ASAP3: variants seen among roughly 807,000 people sequenced by gnomAD.
The protein encoded by ASAP3 is arf-GAP with SH3 domain, ANK repeat and PH domain-containing protein 3.
A neutral mutation model predicts 118.2 loss-of-function variants in ASAP3; 85 were observed. The observed-to-expected ratio is 0.72, with a 90% CI of 0.60 to 0.86. The LOEUF (loss-of-function observed/expected upper bound fraction) is 0.86, where lower values mean the gene tolerates loss of function less well. Among genes scored for constraint, ASAP3 ranks in the 40% least tolerant of loss-of-function variants. ASAP3 has a pLI of 0.00. For missense variants in ASAP3, 1,026 were observed against 1,175.0 expected (o/e 0.87, Z 1.85); for synonymous variants, 432 against 477.4 (o/e 0.90, Z 1.24).
chr1:23,449,291 G>A (rs61778878), intron 5 of ASAP3, among the ~76,000 whole-genome samples: 3 of 152,020 alleles, frequency 2.0e-5, no homozygotes, highest in African/African-American at 4.8e-5. Flanking sequence ...CTTATTCATC[G>A]CCGCATTGAC....
Position 23,433,516 on chromosome 1 carries a change from G to C in ASAP3, c.2036C>G (p.Ala679Gly), listed in dbSNP as rs750016708. The change falls in exon 21 of 25, where the codon GCG (alanine) becomes GGG (glycine). Residue 679 changes from alanine (A) to glycine (G), a missense_variant. By Grantham distance (60) the Ala-to-Gly change is moderately conservative (BLOSUM62 0). Transcript: ENST00000336689. ...ATGTAGAGGGAAGGCAAAGGTCCCC[G>C]CCTGGGCCTGCTCCAGCTGCCAAAA... ...ECEELLEQAQ[A>G]GTFAFPLHVD... is the part of the protein sequence containing the mutation. 1.9e-6 allele frequency: 3 copies of C among 1,614,182 alleles called. No individual in the cohort carries two copies. Among genetic ancestry groups the C allele is most frequent in the African/African-American group, 1.3e-5 (1 of 75,026 alleles).
At chr1:23,458,365 G>A (rs1641455420) in intron 1 of ASAP3, among the ~76,000 whole-genome samples, 2 of 152,214 alleles carry the variant, frequency 1.3e-5, no homozygotes, top group Non-Finnish European at 2.9e-5. Context: ...GGGTGCACCT[G>A]TAATTCCAGC....
intron 17 of ASAP3, 103 bp downstream of exon 17, chr1:23,435,748 G>A: frequency 7.7e-7 from 1 of 1,301,718 alleles, no homozygotes; most frequent in Non-Finnish European, 1.1e-6. Flanking sequence ...GATCTGAGCA[G>A]ATGTCAGAGG....
chr1:23,471,079 G>T (rs1641947289), intron 1 of ASAP3, among the ~76,000 whole-genome samples: 1 of 152,160 alleles, frequency 6.6e-6, no homozygotes, highest in Non-Finnish European at 1.5e-5. Flanking sequence ...TCCCTTGTTG[G>T]CCAGGATGAA....
At chr1:23,432,012 T>A (rs1640455258) in intron 22 of ASAP3, 94 bp from the exon 23 acceptor site, 6 of 1,196,334 alleles carry the variant, frequency 5.0e-6, no homozygotes, top group South Asian at 2.9e-5. Context: ...GGATTTTTTT[T>A]TTTTTTTTTT....
intron 1 of ASAP3, among the ~76,000 whole-genome samples, chr1:23,460,802 G>C (rs897154189): frequency 6.6e-6 from 1 of 152,072 alleles, no homozygotes; most frequent in Non-Finnish European, 1.5e-5. Flanking sequence ...CCAAAATTTG[G>C]AAACAACCAA....
chr1:23,433,405 G>A lies in ASAP3; in HGVS notation c.2127+20C>T, dbSNP rs761558620. On this transcript the variant is annotated intron_variant, in intron 21 of 24. Coordinates refer to ENST00000336689, the MANE Select transcript of ASAP3 (RefSeq NM_017707.4). ...TTCCTTCTGCCATCCAGAGGCCTGA[G>A]GGACAGGGCTGGGACCCACCTTCTC... The A allele has an allele frequency of 1.7e-5, 28 of 1,613,934 alleles. No individual in the cohort carries two copies. The highest frequency in any genetic ancestry group is 8.3e-5 in the Admixed American group (5 of 60,008).
rs57655847 is a variant in ASAP3, at chr1:23,464,659, T to TA, written c.130-8466dup. ...TGAGTGACAGAATGAGACACTGTCT[T>TA]AAAAAAAAAAAAAAAAAAAAAAAAA... is the stretch of plus-strand genomic sequence containing the variant. On this transcript the variant is annotated intron_variant, in intron 1 of 24. Transcript: ENST00000336689. Among the ~76,000 whole-genome samples the TA allele has an allele frequency of 8.8e-3, 413 of 47,090 alleles. 8 individuals are homozygous for TA. The highest frequency in any genetic ancestry group is 0.016 in the Middle Eastern group (1 of 64). The allele number at this position is 47,090 out of a possible 152,430, so 30.9% of individuals were successfully genotyped here. A position where few individuals can be genotyped will look rare whatever the true frequency, so the allele number is the denominator to read the frequency against.
intron 1 of ASAP3, among the ~76,000 whole-genome samples, chr1:23,482,605 C>G (rs755264123): frequency 6.6e-6 from 1 of 152,120 alleles, no homozygotes; most frequent in Admixed American, 6.5e-5. Flanking sequence ...CAGGACAGGT[C>G]ACATGCCCAC....
chr1:23,442,123 T>G, intron 7 of ASAP3, 63 bp downstream of exon 7: 167 of 1,507,238 alleles, frequency 1.1e-4, no homozygotes, highest in Non-Finnish European at 1.4e-4. Flanking sequence ...TATCACACCT[T>G]GAGAGGGGCC....
At chr1:23,454,493 T>C (rs1394608148) in intron 3 of ASAP3, among the ~76,000 whole-genome samples, 3 of 152,156 alleles carry the variant, frequency 2.0e-5, no homozygotes, top group Non-Finnish European at 2.9e-5. Context: ...GCAATTTTCA[T>C]ACTTTTGTAG....
In ASAP3 at chr1:23,455,917, C is replaced by T. The variant is rs1641366735; in HGVS notation, c.312G>A (p.Val104=). The stretch of plus-strand genomic sequence containing the variant: ...AGAGCGCAGCAACCTCGCGGGTGAA[C>T]ACGGCCAAGTTTAGGAAGCCTGTGG... The part of the protein sequence containing the change: ...ELSTGFLNLA[V]FTREVAALFK... The change falls in exon 3 of 25, where the codon GTG becomes GTA. Residue 104 remains valine, a synonymous_variant. Coordinates refer to ENST00000336689, the MANE Select transcript of ASAP3 (RefSeq NM_017707.4). The T allele has an allele frequency of 6.2e-7, 1 of 1,614,156 alleles. No individual in the cohort carries two copies. Among genetic ancestry groups the T allele is most frequent in the Non-Finnish European group, 8.5e-7 (1 of 1,180,038 alleles).
chr1:23,457,388 C>T (rs1366174521), intron 1 of ASAP3, among the ~76,000 whole-genome samples: 1 of 152,206 alleles, frequency 6.6e-6, no homozygotes, highest in Non-Finnish European at 1.5e-5. Flanking sequence ...GGAGAACATG[C>T]ATAGGGCAGA....
At chr1:23,443,303 C>A (rs889727162) in intron 5 of ASAP3, among the ~76,000 whole-genome samples, 1 of 152,130 alleles carries the variant, frequency 6.6e-6, no homozygotes, top group Non-Finnish European at 1.5e-5. Flanking sequence ...GTACCCATCA[C>A]CCGAATAGTG....
At chr1:23,461,676 C>CA (rs112475603) in intron 1 of ASAP3, among the ~76,000 whole-genome samples, 6,564 of 121,110 alleles carry the variant, frequency 0.054, 170 homozygotes, top group Middle Eastern at 0.17. Context: ...CACCCCCCCA[C>CA]AAAAAAAAAA....
chr1:23,469,276 A>AG (rs1341129041), intron 1 of ASAP3, among the ~76,000 whole-genome samples: 3 of 152,198 alleles, frequency 2.0e-5, no homozygotes, highest in Non-Finnish European at 4.4e-5. Flanking sequence ...ACTGCACTCC[A>AG]GCCTGAGCAA....
chr1:23,441,209 T>TTCC lies in ASAP3; in HGVS notation c.835-1_836dup (p.Glu279dup). 1 of 1,614,158 alleles carries TTCC rather than the reference T, an allele frequency of 6.2e-7. No individual in the cohort carries two copies. Among genetic ancestry groups the TTCC allele is most frequent in the Non-Finnish European group, 8.5e-7 (1 of 1,180,010 alleles). ...ATCCTGAGTTCTTCCGGCTCAGGTGTTCCTGTCCCTCGGACATGCAAAGGA... is the reference window on the plus strand; with the variant it reads ...ATCCTGAGTTCTTCCGGCTCAGGTGTTCCTCCTGTCCCTCGGACATGCAAAGGA... On this transcript the variant is annotated inframe_insertion and splice_region_variant, in exon 10 of 25. Transcript: ENST00000336689.
rs1013714364 is a variant in ASAP3 at position 23,452,853 on chromosome 1, C to T, written c.349-82G>A. 10 of 1,373,820 alleles carry T rather than the reference C, an allele frequency of 7.3e-6. No individual in the cohort carries two copies. The Admixed American group carries it at 1.4e-4, about 19-fold the overall frequency. 85.1% of individuals were successfully genotyped at this position (1,373,820 alleles called of 1,614,324 possible). A position where few individuals can be genotyped will look rare whatever the true frequency, so the allele number is the denominator to read the frequency against. ...GGATTCGGTGTACAGTGAAGCATCA[C>T]TTGGCAAAGAGAGCAGCGGGGAAGG... On this transcript the variant is annotated intron_variant, in intron 3 of 24. Coordinates refer to ENST00000336689, the MANE Select transcript of ASAP3 (RefSeq NM_017707.4).
rs768081962 is a variant in ASAP3, at chr1:23,438,271, C to T, written c.1102+476G>A. On this transcript the variant is annotated intron_variant, in intron 12 of 24. Coordinates refer to ENST00000336689, the MANE Select transcript of ASAP3 (RefSeq NM_017707.4). This position sits in a 1 kb window ranked among gnomAD's most constrained non-coding sequence, Gnocchi z 4.9. Reference sequence around the variant, plus strand: ...GCACCCATCTTCTGGACAGCCCCCTCATCTTACAGTCCTGGGTACCCACCC... The same window carrying T: ...GCACCCATCTTCTGGACAGCCCCCTTATCTTACAGTCCTGGGTACCCACCC... Among the ~76,000 whole-genome samples the T allele has an allele frequency of 2.6e-5, 4 of 152,128 alleles. No homozygotes were observed. The highest frequency in any genetic ancestry group is 5.9e-5 in the Non-Finnish European group (4 of 68,024).
Sources: allele counts gnomAD v4.1 joint callset (sites outside exome capture counted in the v4.1 genomes callset), GRCh38; gene constraint gnomAD v4.1.1; non-coding constraint Gnocchi (gnomAD v3.1); transcripts MANE v1.5; gene names NCBI Gene and HGNC (gene_info 2026-07-23, HGNC 2026-07-21).